The following MRPL48 variants were observed in gnomAD, a reference collection of about 807,000 sequenced individuals.
MRPL48 encodes large ribosomal subunit protein mL48.
A neutral mutation model predicts 32.9 loss-of-function variants in MRPL48; 16 were observed. The ratio of observed to expected loss-of-function variants is 0.49; its 90% CI spans 0.33 to 0.74. The LOEUF is 0.74. MRPL48 is among the 30% of genes least tolerant of loss of function. The probability of loss-of-function intolerance (pLI) is 0.02; values close to 1 mark genes in which losing one functional copy is unlikely to be tolerated. For synonymous variants in MRPL48, 94 were observed against 89.2 expected (o/e 1.05, Z -0.31); for missense variants, 206 against 245.3 (o/e 0.84, Z 1.07).
intron 5 of MRPL48, among the ~76,000 whole-genome samples, chr11:73,850,196 CTT>C (rs35291814): frequency 2.1e-4 from 29 of 139,992 alleles, no homozygotes; most frequent in Admixed American, 3.6e-4. Context: ...ATTACACTTG[CTT>C]TTTTTTTTTT....
intron 5 of MRPL48, among the ~76,000 whole-genome samples, chr11:73,846,192 T>C (rs930825222): frequency 6.6e-6 from 1 of 152,154 alleles, no homozygotes; most frequent in Non-Finnish European, 1.5e-5. Context: ...TGTCTCTGAC[T>C]TTGACTATTC....
intron 1 of MRPL48, among the ~76,000 whole-genome samples, chr11:73,798,223 G>T (rs1047323491): frequency 7.9e-5 from 12 of 151,892 alleles, no homozygotes; most frequent in African/African-American, 2.7e-4. Context: ...GATTACAGGC[G>T]CCCACCACTG....
intron 3 of MRPL48, among the ~76,000 whole-genome samples, chr11:73,815,023 A>AAAT (rs1478105446): frequency 1.5e-5 from 2 of 129,254 alleles, no homozygotes; most frequent in Non-Finnish European, 3.3e-5. Context: ...AATAAATAAA[A>AAAT]CAAAAAAGTG....
At chr11:73,831,458 T>G (rs1947991965) in intron 4 of MRPL48, among the ~76,000 whole-genome samples, 1 of 152,176 alleles carries the variant, frequency 6.6e-6, no homozygotes, top group African/African-American at 2.4e-5. Flanking sequence ...TACCCTCCCT[T>G]TTTTCTCTAT....
intron 5 of MRPL48, among the ~76,000 whole-genome samples, chr11:73,853,599 A>G (rs1013357532): frequency 5.9e-5 from 9 of 151,548 alleles, no homozygotes; most frequent in Non-Finnish European, 1.3e-4. Context: ...ACACTGGCAC[A>G]TTGTAAACAT....
chr11:73,823,575 C>T (rs905868380), intron 3 of MRPL48, among the ~76,000 whole-genome samples: 2 of 151,158 alleles, frequency 1.3e-5, no homozygotes, highest in South Asian at 4.2e-4. Flanking sequence ...GGTTATAACA[C>T]TTGATTTCTA....
At chr11:73,831,505 A>C (rs913569626) in intron 4 of MRPL48, among the ~76,000 whole-genome samples, 53 of 152,088 alleles carry the variant, frequency 3.5e-4, no homozygotes, top group African/African-American at 1.3e-3. Context: ...GACCTGTGGC[A>C]GTGAGTGATC....
chr11:73,855,095 C>T (rs2135078166), intron 5 of MRPL48, among the ~76,000 whole-genome samples: 1 of 152,210 alleles, frequency 6.6e-6, no homozygotes, highest in South Asian at 2.1e-4. Context: ...ATTATTATTA[C>T]TATTACTATT....
At chr11:73,829,959 G>A (rs987756985) in intron 4 of MRPL48, among the ~76,000 whole-genome samples, 1 of 151,888 alleles carries the variant, frequency 6.6e-6, no homozygotes, top group African/African-American at 2.4e-5. Context: ...TGGGGGTCTC[G>A]CCATGTTACC....
chr11:73,815,354 C>T (rs551784915), intron 3 of MRPL48, among the ~76,000 whole-genome samples: 2 of 151,822 alleles, frequency 1.3e-5, no homozygotes, highest in East Asian at 1.9e-4. Flanking sequence ...GCGGAGGTTG[C>T]GGTGAGCCGA....
intron 1 of MRPL48, among the ~76,000 whole-genome samples, chr11:73,790,409 G>A (rs1267826695): frequency 1.4e-4 from 10 of 70,848 alleles, no homozygotes; most frequent in South Asian, 6.5e-4. Context: ...TTTTGAGACA[G>A]CGTTTCGCTT....
intron 1 of MRPL48, among the ~76,000 whole-genome samples, chr11:73,789,718 ATAATAT>A (rs1947112046): frequency 6.6e-6 from 1 of 152,236 alleles, no homozygotes; most frequent in Non-Finnish European, 1.5e-5. Flanking sequence ...GATGCAAATA[ATAATAT>A]TGATATTGTT....
At chr11:73,818,461 A>C (rs1167008085) in intron 3 of MRPL48, among the ~76,000 whole-genome samples, 1 of 152,260 alleles carries the variant, frequency 6.6e-6, no homozygotes, top group Non-Finnish European at 1.5e-5. Flanking sequence ...ACTGAAAGAA[A>C]TTTGAAAAGA....
At chr11:73,804,891 G>C in intron 1 of MRPL48, 136 bp from the exon 2 acceptor site, 1 of 648,924 alleles carries the variant, frequency 1.5e-6, no homozygotes, top group Non-Finnish European at 2.6e-6. Flanking sequence ...TTAATTGTAG[G>C]GTAGCTTCTT....
intron 5 of MRPL48, among the ~76,000 whole-genome samples, chr11:73,845,492 G>A (rs1272445412): frequency 6.6e-6 from 1 of 152,204 alleles, no homozygotes; most frequent in East Asian, 1.9e-4. Flanking sequence ...TGAAACTCTA[G>A]CTGGGCGCAG....
At chr11:73,846,309 T>A (rs1234810905) in intron 5 of MRPL48, among the ~76,000 whole-genome samples, 1 of 151,898 alleles carries the variant, frequency 6.6e-6, no homozygotes, top group East Asian at 1.9e-4. Flanking sequence ...ATGTCAGAAT[T>A]TCCTTTCTTT....
At position 73,864,373 on chromosome 11, in the gene MRPL48, A is replaced by G. The variant is rs1269166420; in HGVS notation, c.*3A>G. 1 of 1,613,668 alleles carries G rather than the reference A, an allele frequency of 6.2e-7. No individual in the cohort carries two copies. The highest frequency in any genetic ancestry group is 8.5e-7 in the Non-Finnish European group (1 of 1,179,730). ...AACTGTTGGCCAAGTTGAAGTAGCT[A>G]CTGTAGACCCTTTCATGCCAGCAGT... On this transcript the variant is annotated 3_prime_UTR_variant, in exon 8 of 8. Transcript: ENST00000310614.
intron 3 of MRPL48, among the ~76,000 whole-genome samples, chr11:73,822,765 C>T (rs1947806205): frequency 6.6e-6 from 1 of 152,158 alleles, no homozygotes; most frequent in African/African-American, 2.4e-5. Context: ...GGAACCAGGC[C>T]ACACAGCAGG....
chr11:73,844,981 G>A lies in MRPL48; in HGVS notation c.371+5G>A, dbSNP rs1201015214. The A allele has an allele frequency of 1.2e-5, 19 of 1,601,720 alleles. No homozygotes were observed. Among genetic ancestry groups the A allele is most frequent in the Middle Eastern group, 1.7e-4 (1 of 6,040 alleles). On this transcript the variant is annotated splice_donor_5th_base_variant and intron_variant, in intron 5 of 7. Transcript: ENST00000310614. ...CTCCATTAAAGTCGAGGAAAGGTAT[G>A]AAGGATGCTTTTGTATGGGATGTTC...
Sources: allele counts gnomAD v4.1 joint callset (sites outside exome capture counted in the v4.1 genomes callset), GRCh38; gene constraint gnomAD v4.1.1; transcripts MANE v1.5; gene names NCBI Gene and HGNC (gene_info 2026-07-23, HGNC 2026-07-21).